The following FCHSD2 variants were observed in gnomAD, a reference collection of about 807,000 sequenced individuals.
FCHSD2 encodes the protein F-BAR and double SH3 domains protein 2.
A neutral mutation model predicts 108.1 loss-of-function variants in FCHSD2; 38 were observed. The ratio of observed to expected loss-of-function variants is 0.35; its 90% CI spans 0.27 to 0.46. The LOEUF (loss-of-function observed/expected upper bound fraction) is 0.46, where lower values mean the gene tolerates loss of function less well. Among genes scored for constraint, FCHSD2 ranks in the 20% least tolerant of loss-of-function variants. FCHSD2 has a pLI of 1.00. For missense variants in FCHSD2, 751 were observed against 897.8 expected (o/e 0.84, Z 2.09); for synonymous variants, 279 against 314.7 (o/e 0.89, Z 1.20).
At chr11:73,009,828 T>C (rs1372306457) in intron 4 of FCHSD2, among the ~76,000 whole-genome samples, 2 of 152,174 alleles carry the variant, frequency 1.3e-5, no homozygotes, top group Non-Finnish European at 2.9e-5. Flanking sequence ...GTTTTTTGAA[T>C]TCTCTCTTTG....
intron 2 of FCHSD2, among the ~76,000 whole-genome samples, chr11:73,111,259 T>C (rs1860478506): frequency 6.6e-6 from 1 of 152,142 alleles, no homozygotes; most frequent in African/African-American, 2.4e-5. Context: ...TCTCTCTTTT[T>C]AGCTCTAATA....
At chr11:72,952,377 T>G (rs1327884430) in intron 8 of FCHSD2, among the ~76,000 whole-genome samples, 2 of 151,710 alleles carry the variant, frequency 1.3e-5, no homozygotes, top group Non-Finnish European at 2.9e-5. Context: ...TAGTGTGGAG[T>G]GCAGTGGCAC....
intron 12 of FCHSD2, among the ~76,000 whole-genome samples, chr11:72,871,026 G>A (rs777582257): frequency 7.9e-5 from 12 of 151,804 alleles, no homozygotes; most frequent in Non-Finnish European, 1.8e-4. Context: ...GGCAGAAATA[G>A]CAGAGATTGA....
chr11:72,840,105 C>T (rs377281883), intron 19 of FCHSD2, among the ~76,000 whole-genome samples: 1 of 152,210 alleles, frequency 6.6e-6, no homozygotes, highest in East Asian at 1.9e-4. Flanking sequence ...TAATCGCTCC[C>T]TATATCCTTT....
chr11:73,123,059 T>G (rs1860771203), intron 2 of FCHSD2, among the ~76,000 whole-genome samples: 1 of 151,920 alleles, frequency 6.6e-6, no homozygotes, highest in African/African-American at 2.4e-5. Context: ...GATACATAGG[T>G]GAAGGATAAA....
At chr11:73,119,352 G>A (rs1344731835) in intron 2 of FCHSD2, among the ~76,000 whole-genome samples, 4 of 151,514 alleles carry the variant, frequency 2.6e-5, no homozygotes, top group Admixed American at 6.6e-5. Flanking sequence ...ATAGAATTCT[G>A]TATTATGTAA....
intron 3 of FCHSD2, among the ~76,000 whole-genome samples, chr11:73,023,415 T>G (rs1161113589): frequency 6.6e-6 from 1 of 152,096 alleles, no homozygotes; most frequent in African/African-American, 2.4e-5. Context: ...GATATAAGAA[T>G]GGCAAACAAG....
intron 2 of FCHSD2, among the ~76,000 whole-genome samples, chr11:73,125,543 A>C (rs1056019792): frequency 6.6e-6 from 1 of 152,162 alleles, no homozygotes; most frequent in Non-Finnish European, 1.5e-5. Context: ...GTCTCTACTA[A>C]GAATTTAAAA....
intron 10 of FCHSD2, among the ~76,000 whole-genome samples, chr11:72,892,705 A>G (rs1478268605): frequency 6.6e-6 from 1 of 151,958 alleles, no homozygotes; most frequent in Non-Finnish European, 1.5e-5. Flanking sequence ...CCTGGGTTCA[A>G]GTGATCCTCC....
At chr11:72,911,078 T>TA (rs2135292520) in intron 9 of FCHSD2, among the ~76,000 whole-genome samples, 1 of 152,336 alleles carries the variant, frequency 6.6e-6, no homozygotes, top group African/African-American at 2.4e-5. Flanking sequence ...TCCTATGTCT[T>TA]AGAGAGTTTC....
chr11:72,940,805 A>T, intron 8 of FCHSD2: 1 of 852,522 alleles, frequency 1.2e-6, no homozygotes, highest in Non-Finnish European at 2.0e-6. Flanking sequence ...TGCGTTGCAG[A>T]GGAGTGAGCT....
At position 73,138,346 on chromosome 11, in the gene FCHSD2, A is replaced by G. The variant is rs74454974; in HGVS notation, c.119+1685T>C. Among the ~76,000 whole-genome samples the G allele has an allele frequency of 1.4e-3, 208 of 152,278 alleles. 1 individual carries two copies. Among genetic ancestry groups the G allele is most frequent in the African/African-American group, 4.7e-3 (197 of 41,548 alleles). ...ATTCTTGACCATAAGCTCCTGCACC[A>G]AGCTACAGACAACAGGGGAAAAATG... On this transcript the variant is annotated intron_variant, in intron 2 of 19. Transcript: ENST00000409418.
chr11:72,920,789 T>A (rs1351967970), intron 9 of FCHSD2, among the ~76,000 whole-genome samples: 1 of 152,228 alleles, frequency 6.6e-6, no homozygotes, highest in Non-Finnish European at 1.5e-5. Context: ...CATTTTCCTT[T>A]TCTCTTAGAT....
chr11:72,910,165 G>A (rs1180876230), intron 9 of FCHSD2, among the ~76,000 whole-genome samples: 3 of 151,086 alleles, frequency 2.0e-5, no homozygotes, highest in Non-Finnish European at 4.4e-5. Context: ...GGGAAGTGAG[G>A]AGCACCTCTG....
At chr11:72,893,270 T>C (rs1855354722) in intron 10 of FCHSD2, among the ~76,000 whole-genome samples, 1 of 152,174 alleles carries the variant, frequency 6.6e-6, no homozygotes, top group African/African-American at 2.4e-5. Context: ...CCCAAAGTGC[T>C]GGGATTACAA....
At chr11:72,850,953 G>T (rs1243620358) in intron 13 of FCHSD2, among the ~76,000 whole-genome samples, 17 of 151,646 alleles carry the variant, frequency 1.1e-4, no homozygotes, top group Admixed American at 1.1e-3. Context: ...AAAAAATATA[G>T]CCAGGCATGG....
chr11:72,922,989 T>G (rs977148100), intron 8 of FCHSD2, among the ~76,000 whole-genome samples: 1 of 152,196 alleles, frequency 6.6e-6, no homozygotes, highest in African/African-American at 2.4e-5. Flanking sequence ...TAGTCTGCTT[T>G]CTACCTCTAT....
chr11:72,838,700 T>C lies in FCHSD2; in HGVS notation c.*91A>G. The C allele has an allele frequency of 9.6e-7, 1 of 1,046,346 alleles. No homozygotes were observed. The highest frequency in any genetic ancestry group is 1.4e-6 in the Non-Finnish European group (1 of 691,554). The allele number at this position is 1,046,346 out of a possible 1,614,324, so 64.8% of individuals were successfully genotyped here. Reference sequence around the variant, plus strand: ...CCTTGTTTTTTGCTCTGTTCAAGAGTCATCATCATGCAAAGGTGCCTAAAA... The same window carrying C: ...CCTTGTTTTTTGCTCTGTTCAAGAGCCATCATCATGCAAAGGTGCCTAAAA... On this transcript the variant is annotated 3_prime_UTR_variant, in exon 20 of 20. Coordinates refer to ENST00000409418, the MANE Select transcript of FCHSD2 (RefSeq NM_014824.3).
At chr11:72,851,333 G>T (rs958588208) in intron 13 of FCHSD2, among the ~76,000 whole-genome samples, 2 of 152,088 alleles carry the variant, frequency 1.3e-5, no homozygotes, top group African/African-American at 4.8e-5. Flanking sequence ...GATGTTTACT[G>T]CAACACTGCC....
Sources: gnomAD v4.1 joint callset for allele counts (sites outside exome capture counted in the v4.1 genomes callset) on GRCh38, gnomAD v4.1.1 for gene constraint, MANE v1.5 for transcripts, NCBI Gene and HGNC (gene_info 2026-07-23, HGNC 2026-07-21) for gene names.